The following PCDHGA5 variants were observed in gnomAD, a reference collection of about 807,000 sequenced individuals.
The protein encoded by PCDHGA5 is protocadherin gamma-A5.
Under a neutral mutation model 56.7 loss-of-function variants are expected in PCDHGA5, and 36 were observed. That is an observed-to-expected ratio of 0.64 (90% CI 0.49 to 0.84). The LOEUF is 0.84. Among genes scored for constraint, PCDHGA5 ranks in the 40% least tolerant of loss-of-function variants. PCDHGA5 has a pLI of 0.00. For missense variants in PCDHGA5, 1,305 were observed against 1,201.5 expected (o/e 1.09, Z -1.27); for synonymous variants, 563 against 520.2 (o/e 1.08, Z -1.12).
At chr5:141,492,244 C>T (rs1334647731) in intron 1 of PCDHGA5, among the ~76,000 whole-genome samples, 1 of 152,198 alleles carries the variant, frequency 6.6e-6, no homozygotes, top group Admixed American at 6.5e-5. Flanking sequence ...TGGCCACCCC[C>T]ACGGCCCACA....
intron 1 of PCDHGA5, chr5:141,371,742 C>A (rs773429109): frequency 6.2e-7 from 1 of 1,614,068 alleles, no homozygotes; most frequent in East Asian, 2.2e-5. Context: ...CGACAACGTT[C>A]CCGTTTTCCA....
intron 1 of PCDHGA5, chr5:141,399,213 T>G (rs2093770836): frequency 6.2e-7 from 1 of 1,613,970 alleles, no homozygotes; most frequent in East Asian, 2.2e-5. Context: ...GAACACTAAT[T>G]GCTTTGATCA....
chr5:141,405,612 C>T, intron 1 of PCDHGA5: 1 of 557,514 alleles, frequency 1.8e-6, no homozygotes, highest in Non-Finnish European at 3.2e-6. Flanking sequence ...ATAACTGGGA[C>T]TACAGGCACG....
At chr5:141,474,212 C>T (rs892802269) in intron 1 of PCDHGA5, among the ~76,000 whole-genome samples, 5 of 152,078 alleles carry the variant, frequency 3.3e-5, no homozygotes, top group African/African-American at 1.2e-4. Flanking sequence ...TTTCAAAAAC[C>T]AGATTGTGAA....
intron 1 of PCDHGA5, among the ~76,000 whole-genome samples, chr5:141,434,616 T>C (rs911085192): frequency 1.3e-5 from 2 of 152,204 alleles, no homozygotes; most frequent in East Asian, 1.9e-4. Context: ...TCCGCCCATC[T>C]CTTCGTTTCC....
At chr5:141,445,046 G>A (rs181806844) in intron 1 of PCDHGA5, among the ~76,000 whole-genome samples, 1 of 152,248 alleles carries the variant, frequency 6.6e-6, no homozygotes, top group East Asian at 1.9e-4. Context: ...AGTTTTCAGT[G>A]TAGAGAGGTC....
At position 141,399,337 on chromosome 5, in the gene PCDHGA5, GGAACCCTAGACC is replaced by G. The variant is rs754766358; in HGVS notation, c.2421+32589_2421+32600del. 29 of 1,613,990 alleles carry G rather than the reference GGAACCCTAGACC, an allele frequency of 1.8e-5. No individual in the cohort carries two copies. In the South Asian group the frequency reaches 3.1e-4, roughly 17 times the overall value. Reference sequence around the variant, plus strand: ...AAATTCGTATAAGTTGGTAACAGATGGAACCCTAGACCGAGAGCAAACCCCGGAGTACAATGT... The same window carrying G: ...AAATTCGTATAAGTTGGTAACAGATGGAGAGCAAACCCCGGAGTACAATGT... On this transcript the variant is annotated intron_variant, in intron 1 of 3. Transcript: ENST00000518069.
intron 1 of PCDHGA5, chr5:141,423,261 C>T (rs1181343306): frequency 6.2e-7 from 1 of 1,613,870 alleles, no homozygotes; most frequent in Non-Finnish European, 8.5e-7. Flanking sequence ...ACCTCGGCAG[C>T]CTCGAGTCTC....
chr5:141,376,681 T>TTTTTTG, intron 1 of PCDHGA5: 1 of 745,704 alleles, frequency 1.3e-6, no homozygotes, highest in Non-Finnish European at 2.0e-6. Context: ...GTATCGTTTT[T>TTTTTTG]TTTTTTTTTT....
intron 1 of PCDHGA5, among the ~76,000 whole-genome samples, chr5:141,450,888 G>A (rs1038570371): frequency 6.9e-5 from 10 of 145,278 alleles, no homozygotes; most frequent in Admixed American, 4.1e-4. Context: ...GCAGTGGTGC[G>A]ATATCGGCTC....
intron 3 of PCDHGA5, among the ~76,000 whole-genome samples, chr5:141,508,629 T>C (rs934648689): frequency 6.6e-6 from 1 of 152,054 alleles, no homozygotes; most frequent in Non-Finnish European, 1.5e-5. Context: ...GGGCCGAGCT[T>C]CTAGCTACTC....
At chr5:141,503,743 G>C (rs1465272424) in intron 2 of PCDHGA5, among the ~76,000 whole-genome samples, 1 of 152,126 alleles carries the variant, frequency 6.6e-6, no homozygotes, top group Non-Finnish European at 1.5e-5. Context: ...TGATGGTATA[G>C]AGGTCACACA....
chr5:141,500,187 TATTTA>T (rs1467273493), intron 2 of PCDHGA5, among the ~76,000 whole-genome samples: 2 of 110,668 alleles, frequency 1.8e-5, no homozygotes, highest in Non-Finnish European at 3.6e-5. Flanking sequence ...TTTTTATTTT[TATTTA>T]TTTATTTATT....
intron 1 of PCDHGA5, chr5:141,415,388 G>A (rs752789407): frequency 1.2e-6 from 2 of 1,614,236 alleles, no homozygotes; most frequent in Non-Finnish European, 1.7e-6. Context: ...GGCTTGACAG[G>A]TGTGTCCGGC....
chr5:141,415,067 G>A, intron 1 of PCDHGA5: 1 of 1,613,398 alleles, frequency 6.2e-7, no homozygotes, highest in Non-Finnish European at 8.5e-7. Context: ...GGCGAGGTGC[G>A]CACGGCGCGA....
chr5:141,422,431 T>G, intron 1 of PCDHGA5: 1 of 1,608,846 alleles, frequency 6.2e-7, no homozygotes, highest in Non-Finnish European at 8.5e-7. Flanking sequence ...TTATGGAAAT[T>G]ATTACAAATT....
intron 1 of PCDHGA5, chr5:141,393,005 C>T: frequency 6.2e-7 from 1 of 1,613,866 alleles, no homozygotes; most frequent in Non-Finnish European, 8.5e-7. Context: ...AGCACGGAGT[C>T]CGTATCGTCT....
intron 1 of PCDHGA5, chr5:141,428,211 C>T (rs777952475): frequency 2.2e-5 from 28 of 1,284,198 alleles, no homozygotes; most frequent in South Asian, 4.9e-5. Flanking sequence ...CTACGCTTCA[C>T]CTAGTCTTCG....
In PCDHGA5 at chr5:141,366,149, C is replaced by G. The variant is rs532159175; in HGVS notation, c.1819C>G (p.Arg607Gly). ...DSGQNAWLSY[R>G]LLKASEPGLF... Reference sequence around the variant, plus strand: ...AGGCCAGAACGCCTGGCTGTCCTACCGCCTGCTTAAGGCCAGCGAGCCAGG... The same window carrying G: ...AGGCCAGAACGCCTGGCTGTCCTACGGCCTGCTTAAGGCCAGCGAGCCAGG... Residue 607 changes from arginine to glycine, a missense_variant, in exon 1 of 4, where the codon CGC becomes GGC. Arg to Gly is a moderately radical substitution (Grantham distance 125). Transcript: ENST00000518069. 1.9e-6 allele frequency: 3 copies of G among 1,614,160 alleles called. No individual in the cohort carries two copies. The African/African-American group carries it at 4.0e-5, about 22-fold the overall frequency.
Sources: gnomAD v4.1 joint callset for allele counts (sites outside exome capture counted in the v4.1 genomes callset) on GRCh38, gnomAD v4.1.1 for gene constraint, MANE v1.5 for transcripts, NCBI Gene and HGNC (gene_info 2026-07-23, HGNC 2026-07-21) for gene names.